CACNA1B: variants seen among roughly 807,000 people sequenced by gnomAD.
CACNA1B encodes calcium voltage-gated channel subunit alpha1 B.
Under a neutral mutation model 247.2 loss-of-function variants are expected in CACNA1B, and 70 were observed. The ratio of observed to expected loss-of-function variants is 0.28; its 90% confidence interval spans 0.23 to 0.35. The LOEUF is 0.35. Ranked by LOEUF, CACNA1B falls within the 10% of genes least tolerant of loss-of-function variation. The probability of loss-of-function intolerance (pLI) is 1.00; values close to 1 mark genes in which losing one functional copy is unlikely to be tolerated. For missense variants in CACNA1B, 2,367 were observed against 3,197.4 expected, an observed-to-expected ratio of 0.74 and a Z score of 6.26; for synonymous variants, 1,231 against 1,294.4, an observed-to-expected ratio of 0.95 and a Z score of 1.05.
chr9:137,927,514 C>T (rs1004514829), intron 6 of CACNA1B, among the ~76,000 whole-genome samples: 1 of 152,214 alleles, frequency 6.6e-6, no homozygotes, highest in African/African-American at 2.4e-5. Context: ...ATAAAATGGT[C>T]TTGACGCTCT....
chr9:138,041,819 A>G (rs891381136), intron 20 of CACNA1B, among the ~76,000 whole-genome samples: 1 of 152,152 alleles, frequency 6.6e-6, no homozygotes, highest in Non-Finnish European at 1.5e-5. Context: ...CAGTGGTGCC[A>G]TTGTAGCTCA....
chr9:137,924,323 TC>T (rs927544128), intron 6 of CACNA1B, among the ~76,000 whole-genome samples: 2 of 151,314 alleles, frequency 1.3e-5, no homozygotes, highest in African/African-American at 2.4e-5. Context: ...CTTCTTTCCT[TC>T]CTCCCTCCCT....
At chr9:138,086,971 CT>C (rs1470847520) in intron 36 of CACNA1B, among the ~76,000 whole-genome samples, 1 of 151,124 alleles carries the variant, frequency 6.6e-6, no homozygotes, top group African/African-American at 2.4e-5. Context: ...AGTATTTTTT[CT>C]AACAATAATA....
chr9:137,938,197 GACAA>G (rs1957692323), intron 6 of CACNA1B, among the ~76,000 whole-genome samples: 1 of 151,824 alleles, frequency 6.6e-6, no homozygotes, highest in Non-Finnish European at 1.5e-5. Flanking sequence ...GTTTTTTTCA[GACAA>G]ACAAATGCTG....
chr9:138,076,052 T>C, intron 35 of CACNA1B, 142 bp downstream of exon 35: 1 of 633,406 alleles, frequency 1.6e-6, no homozygotes, highest in Non-Finnish European at 2.9e-6. Flanking sequence ...CAGCAGGCCT[T>C]TCTGGTTCTT....
chr9:138,013,235 C>T lies in CACNA1B; in HGVS notation c.2267C>T (p.Ala756Val), dbSNP rs201481972. 30 of 1,585,486 alleles carry T rather than the reference C, an allele frequency of 1.9e-5. No homozygotes were observed. The highest frequency in any genetic ancestry group is 2.3e-5 in the South Asian group (2 of 85,188). ...PMSAANISIA[A>V]RQQNSAKARS... ...TCTGCCGCGAACATCTCCATCGCCGCGTAAGGCTCCTAGGAGTGGATTGTG... is the reference window on the plus strand; with the variant it reads ...TCTGCCGCGAACATCTCCATCGCCGTGTAAGGCTCCTAGGAGTGGATTGTG... Residue 756 changes from alanine to valine, a missense_variant and splice_region_variant, in exon 18 of 47, where the codon GCC becomes GTC. Ala to Val is a moderately conservative substitution (Grantham distance 64, BLOSUM62 0). Coordinates refer to ENST00000371372, the MANE Select transcript of CACNA1B (RefSeq NM_000718.4).
chr9:137,929,511 C>G (rs190083219), intron 6 of CACNA1B, among the ~76,000 whole-genome samples: 1 of 152,060 alleles, frequency 6.6e-6, no homozygotes, highest in African/African-American at 2.4e-5. Flanking sequence ...GCCAGGATAG[C>G]GCCACTGCAC....
chr9:138,087,384 C>CA (rs58566171), intron 36 of CACNA1B, among the ~76,000 whole-genome samples: 12,846 of 52,320 alleles, frequency 0.25, 1,406 homozygotes, highest in East Asian at 0.45. Flanking sequence ...GACTCTGTCT[C>CA]AAAAAAAAAA....
Position 138,033,859 on chromosome 9 carries a change from G to A in CACNA1B, c.3286+8687G>A, listed in dbSNP as rs1025807037. ...CTCCATCTGGTCTCTCCCTTGACACGTGGGGATTATAGGGATTACAATTTG... is the reference window on the plus strand; with the variant it reads ...CTCCATCTGGTCTCTCCCTTGACACATGGGGATTATAGGGATTACAATTTG... On this transcript the variant is annotated intron_variant, in intron 20 of 46. Coordinates refer to ENST00000371372, the MANE Select transcript of CACNA1B (RefSeq NM_000718.4). 6.6e-5 allele frequency among the ~76,000 whole-genome samples: 10 copies of A among 152,138 alleles called. 1 individual carries two copies. Among genetic ancestry groups the A allele is most frequent in the African/African-American group, 9.7e-5 (4 of 41,430 alleles).
At chr9:138,039,437 G>A (rs748162015) in intron 20 of CACNA1B, among the ~76,000 whole-genome samples, 2 of 151,864 alleles carry the variant, frequency 1.3e-5, no homozygotes, top group African/African-American at 4.8e-5. Context: ...AAGCAGTTTC[G>A]TCTGTTGGTT....
In CACNA1B at chr9:137,881,234, C is replaced by G. The variant is rs561091024; in HGVS notation, c.391-1510C>G. ...CCTAAACAAATCAGACCAGAAGGCT[C>G]GAGGCCAGGAAGAGCATGGGCGAGT... is the stretch of plus-strand genomic sequence containing the variant. On this transcript the variant is annotated intron_variant, in intron 2 of 46. Transcript: ENST00000371372. This position sits in a 1 kb window ranked among gnomAD's most constrained non-coding sequence, Gnocchi z 4.3. Among the ~76,000 whole-genome samples, 3 of 152,284 alleles carry G rather than the reference C, an allele frequency of 2.0e-5. No homozygotes were observed. The South Asian group carries it at 6.2e-4, about 32-fold the overall frequency.
chr9:138,078,037 G>A (rs1960387248), intron 35 of CACNA1B, 77 bp from the exon 36 acceptor site: 6 of 1,356,866 alleles, frequency 4.4e-6, no homozygotes, highest in Non-Finnish European at 5.1e-6. Flanking sequence ...AAAGGAGTGG[G>A]CACGCTTGGT....
chr9:137,991,102 C>A (rs578182599), intron 15 of CACNA1B, among the ~76,000 whole-genome samples: 15 of 152,124 alleles, frequency 9.9e-5, no homozygotes, highest in African/African-American at 3.6e-4. Flanking sequence ...CTCTGAATTG[C>A]CAGAAAAAGA....
intron 34 of CACNA1B, among the ~76,000 whole-genome samples, chr9:138,074,409 T>TATAGA (rs1343140725): frequency 1.3e-5 from 2 of 152,048 alleles, no homozygotes; most frequent in East Asian, 3.9e-4. Flanking sequence ...CCCGGCTAAT[T>TATAGA]TTTGTATTTT....
intron 15 of CACNA1B, among the ~76,000 whole-genome samples, chr9:137,996,902 C>A (rs191655343): frequency 2.4e-4 from 37 of 152,300 alleles, no homozygotes; most frequent in African/African-American, 8.4e-4. Flanking sequence ...ATACAGATCA[C>A]TTCTGCAAAC....
intron 15 of CACNA1B, among the ~76,000 whole-genome samples, chr9:137,994,323 C>T (rs137888832): frequency 2.6e-3 from 392 of 152,308 alleles, no homozygotes; most frequent in African/African-American, 8.9e-3. Flanking sequence ...CTCTCTTCAG[C>T]AAAGTACTGG....
At position 138,112,517 on chromosome 9, in the gene CACNA1B, G is replaced by A. The variant is rs1176863242; in HGVS notation, c.5536+12G>A. ...ACCACCCCATAAGCGTAAGTGTGAG[G>A]GTGAGAAATGCCCCCAGCCCCCACC... is the stretch of plus-strand genomic sequence containing the variant. On this transcript the variant is annotated intron_variant, in intron 40 of 46. Transcript: ENST00000371372. 1 of 1,520,578 alleles carries A rather than the reference G, an allele frequency of 6.6e-7. No homozygotes were observed. The highest frequency in any genetic ancestry group is 9.1e-7 in the Non-Finnish European group (1 of 1,094,594). 94.2% of individuals were successfully genotyped at this position (1,520,578 alleles called of 1,614,324 possible).
intron 12 of CACNA1B, among the ~76,000 whole-genome samples, chr9:137,979,996 A>G (rs1399338792): frequency 6.6e-6 from 1 of 152,190 alleles, no homozygotes; most frequent in Non-Finnish European, 1.5e-5. Context: ...ATTGTTACAG[A>G]CAGGAAGCCC....
rs1312421022 is a variant in CACNA1B at position 138,112,442 on chromosome 9, A to C, written c.5473A>C (p.Ile1825Leu). 1 of 1,613,664 alleles carries C rather than the reference A, an allele frequency of 6.2e-7. No homozygotes were observed. Among genetic ancestry groups the C allele is most frequent in the Non-Finnish European group, 8.5e-7 (1 of 1,179,708 alleles). Residue 1825 changes from isoleucine (I) to leucine (L), a missense_variant, in exon 40 of 47, where the codon ATT becomes CTT. Physicochemically the swap from Ile to Leu is conservative, Grantham distance 5. This residue lies in a region of CACNA1B where 773 missense variants were observed against 779.4 expected (regional missense o/e 0.99). Transcript: ENST00000371372. ...GTGTGACGCGGAGTTGAGGAAGGAG[A>C]TTTCCGTTGTGTGGGCCAATCTGCC... ...HQCDAELRKE[I>L]SVVWANLPQK...
Sources: allele counts gnomAD v4.1 joint callset (sites outside exome capture counted in the v4.1 genomes callset), GRCh38; gene constraint gnomAD v4.1.1; regional missense constraint gnomAD v4.1.1; non-coding constraint Gnocchi (gnomAD v3.1); transcripts MANE v1.5; gene names NCBI Gene and HGNC (gene_info 2026-07-23, HGNC 2026-07-21).